Variants in SLC25A17 observed in about 807,000 individuals in gnomAD.
SLC25A17 encodes peroxisomal membrane protein PMP34.
In SLC25A17, 26 loss-of-function variants were observed where a neutral mutation model predicts 38.5. The ratio of observed to expected loss-of-function variants is 0.68; its 90% CI spans 0.50 to 0.94. The LOEUF is 0.94. Ranked by LOEUF, SLC25A17 falls within the 40% of genes least tolerant of loss-of-function variation. The pLI is 0.00. For missense variants in SLC25A17, 333 were observed against 372.7 expected (o/e 0.89, Z 0.88); for synonymous variants, 139 against 136.2 (o/e 1.02, Z -0.14).
chr22:40,818,195 C>T (rs1393517593), intron 1 of SLC25A17, among the ~76,000 whole-genome samples: 1 of 152,094 alleles, frequency 6.6e-6, no homozygotes, highest in Non-Finnish European at 1.5e-5. Flanking sequence ...GTGATTTTAA[C>T]AGCTAAAGGT....
In SLC25A17 at chr22:40,786,772, A is replaced by G. The variant is rs999718210; in HGVS notation, c.334+5753T>C. On this transcript the variant is annotated intron_variant, in intron 4 of 8. Transcript: ENST00000435456. The stretch of plus-strand genomic sequence containing the variant: ...GTATCATAAGAAGAAAGGTTTGCTC[A>G]TGGATTGGAGGTGGGGTCAGAGAGA... Among the ~76,000 whole-genome samples, 5 of 152,216 alleles carry G rather than the reference A, an allele frequency of 3.3e-5. No individual in the cohort carries two copies. The South Asian group carries it at 8.3e-4, about 25-fold the overall frequency.
chr22:40,791,001 T>C (rs2057380749), intron 4 of SLC25A17, among the ~76,000 whole-genome samples: 1 of 152,194 alleles, frequency 6.6e-6, no homozygotes, highest in African/African-American at 2.4e-5. Flanking sequence ...GTCGTGATAC[T>C]CTTTGAAAAC....
intron 3 of SLC25A17, among the ~76,000 whole-genome samples, chr22:40,793,714 G>A (rs1602608015): frequency 6.6e-6 from 1 of 152,026 alleles, no homozygotes; most frequent in Non-Finnish European, 1.5e-5. Flanking sequence ...CTGGGTTCAC[G>A]TGATTCTCCT....
chr22:40,809,108 T>C (rs2057555043), intron 1 of SLC25A17, among the ~76,000 whole-genome samples: 1 of 146,030 alleles, frequency 6.8e-6, no homozygotes, highest in African/African-American at 2.6e-5. Flanking sequence ...TATTTTACCT[T>C]TTTTTTTTTG....
chr22:40,789,431 C>T lies in SLC25A17; in HGVS notation c.334+3094G>A, dbSNP rs995428951. 2.0e-5 allele frequency among the ~76,000 whole-genome samples: 3 copies of T among 152,120 alleles called. No homozygotes were observed. In the South Asian group the frequency reaches 6.2e-4, roughly 32 times the overall value. On this transcript the variant is annotated intron_variant, in intron 4 of 8. Transcript: ENST00000435456. The surrounding 1 kb of genome is among the most constrained non-coding windows in gnomAD (Gnocchi z 4.5). ...CGCCACGGAGGATCCCTGATGCCAG[C>T]GACTCAGGAGCTGGGTCTCCCAACC...
rs1014550678 is a variant in SLC25A17, at chr22:40,770,089, T to C, written c.*745A>G. 2.0e-5 allele frequency: 3 copies of C among 152,220 alleles called. No homozygotes were observed. The highest frequency in any genetic ancestry group is 2.0e-4 in the Admixed American group (3 of 15,280). 9.4% of individuals were successfully genotyped at this position (152,220 alleles called of 1,614,324 possible). On this transcript the variant is annotated 3_prime_UTR_variant, in exon 9 of 9. Coordinates refer to ENST00000435456, the MANE Select transcript of SLC25A17 (RefSeq NM_006358.4). Reference sequence around the variant, plus strand: ...GCAATTTTCAAGAATATCTTTTTTGTGCTGACCATTTATTGGGACTTGACT... The same window carrying C: ...GCAATTTTCAAGAATATCTTTTTTGCGCTGACCATTTATTGGGACTTGACT...
intron 4 of SLC25A17, chr22:40,788,971 C>T: frequency 6.1e-6 from 2 of 330,420 alleles, no homozygotes; most frequent in South Asian, 7.0e-5. Context: ...CAGGATTTCC[C>T]CATAGAAGTG....
intron 1 of SLC25A17, among the ~76,000 whole-genome samples, chr22:40,801,130 T>TAC (rs1380645938): frequency 1.0e-4 from 2 of 19,374 alleles, no homozygotes; most frequent in East Asian, 5.2e-4. Flanking sequence ...ATATATTACA[T>TAC]ATATATATAT....
In SLC25A17 at chr22:40,770,795, C is replaced by T. The variant is rs765697675; in HGVS notation, c.*39G>A. 1.8e-5 allele frequency: 28 copies of T among 1,571,472 alleles called. No homozygotes were observed. Among genetic ancestry groups the T allele is most frequent in the Non-Finnish European group, 2.2e-5 (25 of 1,152,030 alleles). On this transcript the variant is annotated 3_prime_UTR_variant, in exon 9 of 9. Transcript: ENST00000435456. ...TTCTCTTCACTCAGGAGGAAACCTC[C>T]CTCTTGAGCATCTTCGGAATTTTTC...
intron 1 of SLC25A17, among the ~76,000 whole-genome samples, chr22:40,806,386 G>A (rs188789671): frequency 6.6e-6 from 1 of 152,194 alleles, no homozygotes; most frequent in African/African-American, 2.4e-5. Context: ...CCTAGACAAC[G>A]TGCTGCAAAA....
At chr22:40,783,892 CA>C (rs1296490049) in intron 4 of SLC25A17, among the ~76,000 whole-genome samples, 1 of 151,914 alleles carries the variant, frequency 6.6e-6, no homozygotes, top group Non-Finnish European at 1.5e-5. Context: ...TTTTAGTAGA[CA>C]GGGGGTTTCG....
intron 7 of SLC25A17, 147 bp from the exon 8 acceptor site, chr22:40,774,166 T>A: frequency 1.9e-6 from 1 of 521,332 alleles, no homozygotes; most frequent in Non-Finnish European, 3.4e-6. Flanking sequence ...TCATTAATCC[T>A]GTATTTTTCA....
chr22:40,787,299 T>C (rs1014875161), intron 4 of SLC25A17, among the ~76,000 whole-genome samples: 8 of 151,952 alleles, frequency 5.3e-5, no homozygotes, highest in African/African-American at 1.7e-4. Context: ...GACTCACAGA[T>C]TGGCATGGAA....
chr22:40,806,147 A>G (rs992479008), intron 1 of SLC25A17, among the ~76,000 whole-genome samples: 1 of 152,152 alleles, frequency 6.6e-6, no homozygotes, highest in African/African-American at 2.4e-5. Flanking sequence ...TTTTGCTACA[A>G]TCCCTGGAGG....
rs1249946458 is a variant in SLC25A17 at position 40,785,165 on chromosome 22, C to T, written c.335-6040G>A. On this transcript the variant is annotated intron_variant, in intron 4 of 8. Coordinates refer to ENST00000435456, the MANE Select transcript of SLC25A17 (RefSeq NM_006358.4). ...TTAGGAGGCTGACGCAGGTGGATCACCTTAGGTCAGGAGTTCGAGATCAGC... is the reference window on the plus strand; with the variant it reads ...TTAGGAGGCTGACGCAGGTGGATCATCTTAGGTCAGGAGTTCGAGATCAGC... Among the ~76,000 whole-genome samples the T allele has an allele frequency of 5.3e-5, 8 of 152,270 alleles. No homozygotes were observed. The South Asian group carries it at 1.5e-3, about 28-fold the overall frequency.
chr22:40,819,252 T>C lies in SLC25A17; in HGVS notation c.-4A>G. The C allele has an allele frequency of 2.5e-6, 4 of 1,613,684 alleles. 1 individual carries two copies. The South Asian group carries it at 4.4e-5, about 18-fold the overall frequency. On this transcript the variant is annotated 5_prime_UTR_variant, in exon 1 of 9. Coordinates refer to ENST00000435456, the MANE Select transcript of SLC25A17 (RefSeq NM_006358.4). Reference sequence around the variant, plus strand: ...CGTAGGACAGCACGGAAGCCATTGGTGCGGCTCCTCGAAGACCCAGCCACA... The same window carrying C: ...CGTAGGACAGCACGGAAGCCATTGGCGCGGCTCCTCGAAGACCCAGCCACA...
intron 7 of SLC25A17, among the ~76,000 whole-genome samples, chr22:40,775,317 C>G (rs1296172664): frequency 6.6e-6 from 1 of 151,998 alleles, no homozygotes; most frequent in Non-Finnish European, 1.5e-5. Context: ...CAAATCTCAC[C>G]TTGAATTGTA....
intron 1 of SLC25A17, among the ~76,000 whole-genome samples, chr22:40,807,230 T>C (rs1659871655): frequency 6.6e-6 from 1 of 152,210 alleles, no homozygotes; most frequent in African/African-American, 2.4e-5. Context: ...GTTTATGTTG[T>C]ATGAATTATA....
At chr22:40,774,475 C>T (rs2057542987) in intron 7 of SLC25A17, among the ~76,000 whole-genome samples, 2 of 152,158 alleles carry the variant, frequency 1.3e-5, no homozygotes, top group Admixed American at 6.5e-5. Context: ...CCACCCACCT[C>T]GGCCTCCCGA....
Sources: allele counts gnomAD v4.1 joint callset (sites outside exome capture counted in the v4.1 genomes callset), GRCh38; gene constraint gnomAD v4.1.1; non-coding constraint Gnocchi (gnomAD v3.1); transcripts MANE v1.5; gene names NCBI Gene and HGNC (gene_info 2026-07-23, HGNC 2026-07-21).